The following ABCC1 variants were observed in gnomAD, a reference collection of about 807,000 sequenced individuals.
The protein encoded by ABCC1 is multidrug resistance-associated protein 1.
Under a neutral mutation model 172.9 loss-of-function variants are expected in ABCC1, and 83 were observed. The ratio of observed to expected loss-of-function variants is 0.48; its 90% CI spans 0.40 to 0.58. ABCC1 has a LOEUF of 0.58. ABCC1 is among the 20% of genes least tolerant of loss of function. The pLI is 0.00. For synonymous variants in ABCC1, 937 were observed against 825.2 expected, an observed-to-expected ratio of 1.14 and a Z score of -2.32; for missense variants, 1,817 against 2,002.7, an observed-to-expected ratio of 0.91 and a Z score of 1.77.
intron 30 of ABCC1, among the ~76,000 whole-genome samples, chr16:16,140,025 T>C (rs1567449626): frequency 6.6e-6 from 1 of 152,236 alleles, no homozygotes; most frequent in Admixed American, 6.5e-5. Flanking sequence ...CAATAAAACT[T>C]TATTCATAAA....
intron 12 of ABCC1, 137 bp downstream of exon 12, chr16:16,056,432 C>T: frequency 3.1e-6 from 3 of 978,826 alleles, no homozygotes; most frequent in Non-Finnish European, 4.5e-6. Flanking sequence ...TCTGGGAGGC[C>T]AAAGCAGGTG....
chr16:16,016,078 G>A (rs2047982839), intron 4 of ABCC1, among the ~76,000 whole-genome samples: 1 of 151,006 alleles, frequency 6.6e-6, no homozygotes, highest in Non-Finnish European at 1.5e-5. Flanking sequence ...GGAGCTGGGA[G>A]CCCCTGGGGA....
intron 7 of ABCC1, among the ~76,000 whole-genome samples, chr16:16,037,064 T>C (rs1270155046): frequency 6.6e-6 from 1 of 151,302 alleles, no homozygotes; most frequent in Non-Finnish European, 1.5e-5. Flanking sequence ...ATTGTGCCAC[T>C]GCATACTAGC....
chr16:16,004,657 C>CTTT (rs66530759), intron 1 of ABCC1, among the ~76,000 whole-genome samples: 4 of 112,130 alleles, frequency 3.6e-5, no homozygotes, highest in Non-Finnish European at 3.7e-5. Context: ...GTAAGGTTTA[C>CTTT]TTTTTTTTTT....
chr16:16,131,219 C>A (rs1331263653), intron 26 of ABCC1, among the ~76,000 whole-genome samples: 1 of 152,124 alleles, frequency 6.6e-6, no homozygotes, highest in Non-Finnish European at 1.5e-5. Flanking sequence ...CAAAAATGAA[C>A]AACTATGGTC....
At chr16:15,949,513 G>A (rs1298325997), upstream of ABCC1, 1 of 145,568 alleles carries the variant, frequency 6.9e-6, no homozygotes, top group African/African-American at 2.5e-5. Flanking sequence ...CGCGCGAGGT[G>A]AGCGGGCGCC....
intron 1 of ABCC1, among the ~76,000 whole-genome samples, chr16:15,999,946 C>G (rs951156902): frequency 2.7e-5 from 4 of 148,030 alleles, no homozygotes; most frequent in African/African-American, 9.8e-5. Context: ...CCTCTGCTTC[C>G]CAGGTTCAAG....
chr16:16,005,986 T>C (rs1489785376), intron 1 of ABCC1, among the ~76,000 whole-genome samples: 3 of 146,768 alleles, frequency 2.0e-5, no homozygotes, highest in African/African-American at 7.6e-5. Context: ...AAAGCAAGAC[T>C]CTGTCAAGAA....
intron 1 of ABCC1, 77 bp downstream of exon 1, chr16:15,949,876 G>C: frequency 8.8e-7 from 1 of 1,132,308 alleles, no homozygotes; most frequent in Non-Finnish European, 1.1e-6. Context: ...GCCCGCAGCC[G>C]CCCGGGGCAC....
intron 12 of ABCC1, among the ~76,000 whole-genome samples, chr16:16,062,040 T>A (rs149241976): frequency 5.4e-4 from 83 of 152,306 alleles, no homozygotes; most frequent in African/African-American, 1.9e-3. Flanking sequence ...CCCAAAGTGC[T>A]GGGATTGTAG....
chr16:16,027,257 A>T (rs145687958), intron 5 of ABCC1, among the ~76,000 whole-genome samples: 38 of 152,256 alleles, frequency 2.5e-4, no homozygotes, highest in Non-Finnish European at 5.3e-4. Flanking sequence ...GCTGGCTGAT[A>T]AATACTTGAG....
intron 24 of ABCC1, among the ~76,000 whole-genome samples, chr16:16,124,377 CTGTGTGTG>C (rs10673887): frequency 0.032 from 1,409 of 44,442 alleles, 43 homozygotes; most frequent in Middle Eastern, 0.054. Context: ...CTACGCCCGG[CTGTGTGTG>C]TGTGTGTGTG....
intron 11 of ABCC1, 97 bp downstream of exon 11, chr16:16,052,913 T>C: frequency 1.7e-6 from 2 of 1,200,312 alleles, no homozygotes; most frequent in Non-Finnish European, 1.2e-6. Flanking sequence ...GTCCCTGGGG[T>C]TCTCAGCCTT....
At chr16:15,949,913 CG>C (rs2045826692) in intron 1 of ABCC1, 114 bp downstream of exon 1, 7 of 927,654 alleles carry the variant, frequency 7.5e-6, no homozygotes, top group African/African-American at 1.8e-5. Context: ...CTGCCGGCCT[CG>C]GGGGCCCGGG....
intron 7 of ABCC1, among the ~76,000 whole-genome samples, chr16:16,037,748 A>G (rs138627696): frequency 1.3e-5 from 2 of 152,260 alleles, no homozygotes; most frequent in African/African-American, 4.8e-5. Context: ...TCCTCATTCT[A>G]TTCCGGGGAT....
rs542513038 is a variant in ABCC1 at position 15,980,537 on chromosome 16, G to A, written c.49-27279G>A. Among the ~76,000 whole-genome samples the A allele has an allele frequency of 1.2e-4, 19 of 152,248 alleles. No homozygotes were observed. In the East Asian group the frequency reaches 2.5e-3, roughly 20 times the overall value. On this transcript the variant is annotated intron_variant, in intron 1 of 30. Transcript: ENST00000399410. Reference sequence around the variant, plus strand: ...AGTGCTGAGCAAAAGGGGAAAAGCCGTTTATCAAACCATCAGATCTTGTGA... The same window carrying A: ...AGTGCTGAGCAAAAGGGGAAAAGCCATTTATCAAACCATCAGATCTTGTGA...
chr16:16,138,246 G>T, intron 29 of ABCC1, 118 bp from the exon 30 acceptor site: 1 of 895,398 alleles, frequency 1.1e-6, no homozygotes, highest in African/African-American at 1.7e-5. Flanking sequence ...GAGTGGACAT[G>T]CTTTCCTGGT....
At chr16:16,052,010 C>T (rs140543386) in intron 10 of ABCC1, among the ~76,000 whole-genome samples, 81 of 152,198 alleles carry the variant, frequency 5.3e-4, no homozygotes, top group African/African-American at 1.4e-3. Flanking sequence ...GTGGGAAAGT[C>T]GCTTGAGCCC....
chr16:16,123,842 T>C (rs904659641), intron 24 of ABCC1, among the ~76,000 whole-genome samples: 1 of 151,888 alleles, frequency 6.6e-6, no homozygotes. Flanking sequence ...GGAGACCCTG[T>C]CTCTAAAAAC....
Sources: allele counts gnomAD v4.1 joint callset (sites outside exome capture counted in the v4.1 genomes callset), GRCh38; gene constraint gnomAD v4.1.1; transcripts MANE v1.5; gene names NCBI Gene and HGNC (gene_info 2026-07-23, HGNC 2026-07-21).